Variants in SRRM1 observed in about 807,000 individuals in gnomAD.
The protein encoded by SRRM1 is serine/arginine repetitive matrix protein 1.
Under a neutral mutation model 110.2 loss-of-function variants are expected in SRRM1, and 19 were observed. The observed-to-expected ratio is 0.17, with a 90% CI of 0.12 to 0.25. SRRM1 has a LOEUF of 0.25. Among genes scored for constraint, SRRM1 ranks in the 10% least tolerant of loss-of-function variants. SRRM1 has a pLI of 1.00. For missense variants in SRRM1, 918 were observed against 1,145.8 expected (o/e 0.80, Z 2.87); for synonymous variants, 443 against 414.9 (o/e 1.07, Z -0.82).
Position 24,671,320 on chromosome 1 carries a change from T to C in SRRM1, c.2401-66T>C. 7.0e-6 allele frequency: 10 copies of C among 1,437,326 alleles called. No homozygotes were observed. The South Asian group carries it at 1.2e-4, about 17-fold the overall frequency. 89.0% of individuals were successfully genotyped at this position (1,437,326 alleles called of 1,614,324 possible). ...ATTGGGGATTTGAGGAAATAAAATG[T>C]TCAGTTGGACAGAATATTAATCAGA... On this transcript the variant is annotated intron_variant, in intron 15 of 16. Coordinates refer to ENST00000323848, the MANE Select transcript of SRRM1 (RefSeq NM_005839.4).
chr1:24,659,908 A>G (rs1161351930), intron 9 of SRRM1, among the ~76,000 whole-genome samples: 1 of 152,186 alleles, frequency 6.6e-6, no homozygotes, highest in Non-Finnish European at 1.5e-5. Flanking sequence ...CTTTGGAAAG[A>G]ATCCTCGTCT....
Position 24,651,395 on chromosome 1 carries a change from T to TA in SRRM1, c.522-13dup. ...TGTTATTTAAAAACCTGAAAAAAATTACTTTCATCCTAGACGCAAATCCAG... is the reference window on the plus strand; with the variant it reads ...TGTTATTTAAAAACCTGAAAAAAATTAACTTTCATCCTAGACGCAAATCCAG... On this transcript the variant is annotated splice_polypyrimidine_tract_variant and intron_variant, in intron 5 of 16. Coordinates refer to ENST00000323848, the MANE Select transcript of SRRM1 (RefSeq NM_005839.4). 6.2e-7 allele frequency: 1 copy of TA among 1,606,724 alleles called. No individual in the cohort carries two copies. Among genetic ancestry groups the TA allele is most frequent in the Middle Eastern group, 1.7e-4 (1 of 6,020 alleles).
Position 24,669,411 on chromosome 1 carries a change from A to G in SRRM1, c.2028A>G (p.Pro676=). ...PSRSTREARS[P]QPNKRHSPSP... ...GCTCTACCCGGGAGGCCCGATCACC[A>G]CAACCAAACAAACGGCATTCGCCCT... The change falls in exon 14 of 17, where the codon CCA becomes CCG. Residue 676 remains proline, a synonymous_variant. Transcript: ENST00000323848. 7 of 1,614,124 alleles carry G rather than the reference A, an allele frequency of 4.3e-6. No individual in the cohort carries two copies. The South Asian group carries it at 6.6e-5, about 15-fold the overall frequency.
intron 3 of SRRM1, 87 bp from the exon 4 acceptor site, chr1:24,648,772 T>A (rs1658912049): frequency 8.1e-7 from 1 of 1,228,564 alleles, no homozygotes; most frequent in African/African-American, 1.5e-5. Flanking sequence ...TAAAAAATAC[T>A]AATTTAAATG....
At chr1:24,669,682 G>A (rs1382930506) in intron 14 of SRRM1, 95 bp downstream of exon 14, 26 of 988,092 alleles carry the variant, frequency 2.6e-5, no homozygotes, top group Middle Eastern at 2.2e-4. Context: ...AATAAGTTAT[G>A]AATATGAGCT....
intron 9 of SRRM1, among the ~76,000 whole-genome samples, chr1:24,658,648 T>A (rs966186158): frequency 1.3e-5 from 2 of 152,188 alleles, no homozygotes; most frequent in Non-Finnish European, 2.9e-5. Context: ...ATGCACTTTT[T>A]AACGACGTGC....
chr1:24,649,914 C>G, intron 4 of SRRM1, 57 bp from the exon 5 acceptor site: 1 of 1,448,316 alleles, frequency 6.9e-7, no homozygotes, highest in Non-Finnish European at 9.1e-7. Flanking sequence ...AGAAAGTAGT[C>G]TTCAGTTTGT....
At chr1:24,664,885 A>AC (rs376582506) in intron 12 of SRRM1, among the ~76,000 whole-genome samples, 126 of 85,614 alleles carry the variant, frequency 1.5e-3, no homozygotes, top group African/African-American at 4.1e-3. Flanking sequence ...TTCCCTCCCC[A>AC]CCCCCCCACC....
intron 9 of SRRM1, 76 bp downstream of exon 9, chr1:24,655,205 C>T (rs527348285): frequency 1.5e-5 from 23 of 1,486,058 alleles, no homozygotes; most frequent in Non-Finnish European, 2.0e-5. Context: ...GCCCCCTGCT[C>T]ACTCTCAAAG....
intron 13 of SRRM1, among the ~76,000 whole-genome samples, chr1:24,667,210 G>A (rs1670448013): frequency 6.6e-6 from 1 of 152,158 alleles, no homozygotes; most frequent in Admixed American, 6.5e-5. Context: ...AATCTATAGA[G>A]ATAGAAAACA....
chr1:24,668,049 G>A (rs1670933909), intron 13 of SRRM1, among the ~76,000 whole-genome samples: 1 of 128,070 alleles, frequency 7.8e-6, no homozygotes, highest in Non-Finnish European at 1.5e-5. Context: ...TCAGCTCACT[G>A]TAACCTCCGC....
At chr1:24,668,995 A>T (rs553120806) in intron 13 of SRRM1, 128 bp from the exon 14 acceptor site, 53 of 695,248 alleles carry the variant, frequency 7.6e-5, no homozygotes, top group Non-Finnish European at 1.1e-4. Flanking sequence ...TAAAGATAGC[A>T]TGTTCACTTA....
In SRRM1 at chr1:24,672,163, T is replaced by C; in HGVS notation, c.2611-19T>C. On this transcript the variant is annotated intron_variant, in intron 16 of 16. Transcript: ENST00000323848. ...ACCAGGGTCTCAAGACTTAACCGTG[T>C]AAATTCTGTTTTTTTTAGGAGACTG... The C allele has an allele frequency of 6.3e-7, 1 of 1,587,966 alleles. No individual in the cohort carries two copies. The highest frequency in any genetic ancestry group is 8.6e-7 in the Non-Finnish European group (1 of 1,161,256).
chr1:24,658,242 G>A (rs1358055097), intron 9 of SRRM1, among the ~76,000 whole-genome samples: 2 of 136,398 alleles, frequency 1.5e-5, no homozygotes, highest in East Asian at 4.2e-4. Context: ...ACGGAGTCTT[G>A]CTCTGTCGCC....
intron 9 of SRRM1, among the ~76,000 whole-genome samples, chr1:24,658,208 A>ATTTTT (rs573100578): frequency 0.051 from 6,942 of 137,114 alleles, 573 homozygotes; most frequent in African/African-American, 0.19. Context: ...GATGGTATAA[A>ATTTTT]TTTTTTTTTT....
rs1353061202 is a variant in SRRM1, at chr1:24,662,694, A to G, written c.1518A>G (p.Arg506=). ...CCTCCTCCTCCTCAGAAGATGAACG[A>G]CCCAAGAGATCCCATGTGAAGAATG... ...SGSSSSSEDE[R]PKRSHVKNGE... Residue 506 remains arginine (R), a synonymous_variant, in exon 12 of 17, where the codon CGA becomes CGG. Coordinates refer to ENST00000323848, the MANE Select transcript of SRRM1 (RefSeq NM_005839.4). 6.2e-7 allele frequency: 1 copy of G among 1,614,124 alleles called. No individual in the cohort carries two copies. The highest frequency in any genetic ancestry group is 1.1e-5 in the South Asian group (1 of 91,082).
At chr1:24,664,237 C>G (rs906351536) in intron 12 of SRRM1, among the ~76,000 whole-genome samples, 2 of 152,102 alleles carry the variant, frequency 1.3e-5, no homozygotes, top group African/African-American at 4.8e-5. Flanking sequence ...GTCAGGTGAT[C>G]CACCCGCCTC....
intron 14 of SRRM1, chr1:24,669,815 G>A: frequency 8.8e-6 from 5 of 567,278 alleles, no homozygotes; most frequent in Non-Finnish European, 1.5e-5. Flanking sequence ...TTGTTTTTGA[G>A]GGGTATGCTT....
Position 24,654,875 on chromosome 1 carries a change from C to A in SRRM1, c.1061C>A (p.Ser354Tyr). 6.2e-7 allele frequency: 1 copy of A among 1,614,176 alleles called. No homozygotes were observed. The highest frequency in any genetic ancestry group is 8.5e-7 in the Non-Finnish European group (1 of 1,180,016). ...CACAGAAGAAGACGTTCGTCAGCAT[C>A]CTTGTCTGGGAGTAGCTCATCATCC... ...PVRRRRRSSA[S>Y]LSGSSSSSSS... Residue 354 changes from serine (S) to tyrosine (Y), a missense_variant, in exon 9 of 17, where the codon TCC becomes TAC. Physicochemically the swap from Ser to Tyr is moderately radical, Grantham distance 144. Transcript: ENST00000323848.
Sources: gnomAD v4.1 joint callset for allele counts (sites outside exome capture counted in the v4.1 genomes callset) on GRCh38, gnomAD v4.1.1 for gene constraint, MANE v1.5 for transcripts, NCBI Gene and HGNC (gene_info 2026-07-23, HGNC 2026-07-21) for gene names.